The following EZH2 variants were observed in gnomAD, a reference collection of about 807,000 sequenced individuals.
EZH2 encodes histone-lysine N-methyltransferase EZH2.
EZH2 carries 18 observed loss-of-function variants against 98.4 expected under a neutral mutation model. That is an observed-to-expected ratio of 0.18 (90% CI 0.13 to 0.27). EZH2 has a LOEUF of 0.27. Among genes scored for constraint, EZH2 ranks in the 10% least tolerant of loss-of-function variants. The probability of loss-of-function intolerance (pLI) is 1.00; values close to 1 mark genes in which losing one functional copy is unlikely to be tolerated. For synonymous variants in EZH2, 338 were observed against 312.3 expected (o/e 1.08, Z -0.87); for missense variants, 470 against 935.1 (o/e 0.50, Z 6.49).
At position 148,832,654 on chromosome 7, in the gene EZH2, G is replaced by C. The variant is rs1324786734; in HGVS notation, c.343C>G (p.Pro115Ala). The C allele has an allele frequency of 6.3e-7, 1 of 1,595,058 alleles. No individual in the cohort carries two copies. Among genetic ancestry groups the C allele is most frequent in the Admixed American group, 1.7e-5 (1 of 59,418 alleles). ...CATACCATAAAATTCTGCTGTAGGG[G>C]AGACCAAGAATACATTATGGGTACT... ...ASVPIMYSWS[P>A]LQQNFMVEDE... The change falls in exon 4 of 20, where the codon CCC becomes GCC. Residue 115 changes from proline (P) to alanine (A), a missense_variant. Physicochemically the swap from Pro to Ala is conservative, Grantham distance 27 (BLOSUM62 -1). Coordinates refer to ENST00000320356, the MANE Select transcript of EZH2 (RefSeq NM_004456.5).
At chr7:148,879,717 A>G (rs1402379191) in intron 1 of EZH2, among the ~76,000 whole-genome samples, 3 of 151,944 alleles carry the variant, frequency 2.0e-5, no homozygotes, top group African/African-American at 7.3e-5. Flanking sequence ...ATAATAAATA[A>G]ATAAATTAGC....
chr7:148,878,087 G>T (rs1053828553), intron 1 of EZH2, among the ~76,000 whole-genome samples: 6 of 152,146 alleles, frequency 3.9e-5, no homozygotes, highest in Non-Finnish European at 5.9e-5. Context: ...TATAGATATA[G>T]AGAGAGATAT....
intron 1 of EZH2, among the ~76,000 whole-genome samples, chr7:148,861,561 AT>A (rs1466617247): frequency 6.6e-6 from 1 of 152,060 alleles, no homozygotes; most frequent in Non-Finnish European, 1.5e-5. Flanking sequence ...TTCCACAAGT[AT>A]TTTTGATCTG....
intron 1 of EZH2, among the ~76,000 whole-genome samples, chr7:148,863,656 G>C (rs1043304375): frequency 6.6e-6 from 1 of 151,982 alleles, no homozygotes; most frequent in Non-Finnish European, 1.5e-5. Flanking sequence ...TTCCTTAAAT[G>C]ACTCTATTGT....
At chr7:148,828,681 T>C (rs1464579723) in intron 6 of EZH2, 59 bp downstream of exon 6, 22 of 1,566,210 alleles carry the variant, frequency 1.4e-5, no homozygotes, top group Middle Eastern at 1.7e-4. Flanking sequence ...TTCTACTCTT[T>C]CTACTGTTTT....
At chr7:148,855,034 G>A (rs1426965879) in intron 1 of EZH2, among the ~76,000 whole-genome samples, 2 of 152,240 alleles carry the variant, frequency 1.3e-5, no homozygotes, top group African/African-American at 2.4e-5. Context: ...TAAAAAGGAA[G>A]ACCATGAGAG....
At chr7:148,826,321 A>G in intron 8 of EZH2, 133 bp downstream of exon 8, 1 of 671,344 alleles carries the variant, frequency 1.5e-6, no homozygotes, top group Non-Finnish European at 2.1e-6. Context: ...AAAAATAATA[A>G]TACTGAGATC....
intron 9 of EZH2, among the ~76,000 whole-genome samples, chr7:148,819,297 A>C (rs1805369455): frequency 6.6e-6 from 1 of 152,210 alleles, no homozygotes; most frequent in Admixed American, 6.5e-5. Context: ...TAAGCGGACT[A>C]TCTGTGCCTT....
chr7:148,857,312 AAACC>A (rs764218272), intron 1 of EZH2, among the ~76,000 whole-genome samples: 4 of 152,242 alleles, frequency 2.6e-5, no homozygotes, highest in Non-Finnish European at 5.9e-5. Context: ...TTGGATCCTG[AAACC>A]AACCAACCAA....
intron 1 of EZH2, among the ~76,000 whole-genome samples, chr7:148,855,149 C>A (rs1040764200): frequency 8.5e-5 from 13 of 152,228 alleles, no homozygotes; most frequent in African/African-American, 2.4e-4. Flanking sequence ...TCTCATACAA[C>A]CACTTTGAGG....
intron 1 of EZH2, among the ~76,000 whole-genome samples, chr7:148,870,695 C>CA (rs769953626): frequency 0.016 from 1,490 of 93,272 alleles, 17 homozygotes; most frequent in Middle Eastern, 0.038. Context: ...GACTCTGTCT[C>CA]AAAAAAAAAA....
intron 5 of EZH2, among the ~76,000 whole-genome samples, chr7:148,829,221 AT>A (rs1463907319): frequency 6.6e-6 from 1 of 152,122 alleles, no homozygotes; most frequent in Non-Finnish European, 1.5e-5. Flanking sequence ...TCTGCTGATA[AT>A]GACAATGGAT....
chr7:148,881,946 AC>A (rs1449716337), intron 1 of EZH2, among the ~76,000 whole-genome samples: 18 of 120,762 alleles, frequency 1.5e-4, no homozygotes, highest in African/African-American at 3.8e-4. Context: ...AAAAAAAAAA[AC>A]ATATACACAC....
At chr7:148,877,849 G>A (rs1745155021) in intron 1 of EZH2, among the ~76,000 whole-genome samples, 1 of 152,188 alleles carries the variant, frequency 6.6e-6, no homozygotes, top group Non-Finnish European at 1.5e-5. Context: ...TCTTCTCGGA[G>A]CTGACATATC....
chr7:148,826,414 A>G lies in EZH2; in HGVS notation c.907+40T>C, dbSNP rs781014400. ...TGATAGCACTCTCCAAGCTGCTTTA[A>G]AACATAATTCCACAACAAAGATAGA... is the stretch of plus-strand genomic sequence containing the variant. On this transcript the variant is annotated intron_variant, in intron 8 of 19. Coordinates refer to ENST00000320356, the MANE Select transcript of EZH2 (RefSeq NM_004456.5). 20 of 1,482,026 alleles carry G rather than the reference A, an allele frequency of 1.3e-5. No homozygotes were observed. In the Admixed American group the frequency reaches 4.2e-4, roughly 31 times the overall value. 91.8% of individuals were successfully genotyped at this position (1,482,026 alleles called of 1,614,324 possible). A position where few individuals can be genotyped will look rare whatever the true frequency, so the allele number is the denominator to read the frequency against.
chr7:148,833,777 A>T (rs923486184), intron 3 of EZH2, among the ~76,000 whole-genome samples: 1 of 152,158 alleles, frequency 6.6e-6, no homozygotes, highest in Admixed American at 6.5e-5. Flanking sequence ...CTTAGCCCCC[A>T]TTTTACAGGT....
At chr7:148,835,856 T>C (rs577788151) in intron 3 of EZH2, among the ~76,000 whole-genome samples, 65 of 152,314 alleles carry the variant, frequency 4.3e-4, no homozygotes, top group African/African-American at 1.4e-3. Flanking sequence ...TTGGCTTTGC[T>C]TCATCTATGG....
intron 3 of EZH2, among the ~76,000 whole-genome samples, chr7:148,833,064 A>C (rs1160568397): frequency 1.3e-5 from 2 of 152,180 alleles, no homozygotes; most frequent in Non-Finnish European, 2.9e-5. Context: ...CTTTTCCTAT[A>C]CATTTATTTC....
intron 6 of EZH2, 108 bp from the exon 7 acceptor site, chr7:148,827,374 A>C: frequency 3.9e-6 from 3 of 760,104 alleles, no homozygotes; most frequent in Non-Finnish European, 6.3e-6. Context: ...TTTTCTAAGA[A>C]ATCATCTCTA....
Sources: allele counts gnomAD v4.1 joint callset (sites outside exome capture counted in the v4.1 genomes callset), GRCh38; gene constraint gnomAD v4.1.1; transcripts MANE v1.5; gene names NCBI Gene and HGNC (gene_info 2026-07-23, HGNC 2026-07-21).